Variants in STX6 observed in about 807,000 individuals in gnomAD.
STX6 encodes the protein syntaxin-6.
STX6 carries 23 observed loss-of-function variants against 38.0 expected under a neutral mutation model. The ratio of observed to expected loss-of-function variants is 0.60; its 90% CI spans 0.43 to 0.86. The LOEUF (loss-of-function observed/expected upper bound fraction) is 0.86, where lower values mean the gene tolerates loss of function less well. Among genes scored for constraint, STX6 ranks in the 40% least tolerant of loss-of-function variants. The pLI is 0.00. For synonymous variants in STX6, 123 were observed against 107.5 expected (o/e 1.14, Z -0.89); for missense variants, 274 against 312.9 (o/e 0.88, Z 0.94).
intron 7 of STX6, 62 bp from the exon 8 acceptor site, chr1:180,976,708 A>C: frequency 1.3e-6 from 2 of 1,515,386 alleles, no homozygotes; most frequent in Non-Finnish European, 9.1e-7. Context: ...AGATACAGTT[A>C]TATGGAATTT....
intron 3 of STX6, among the ~76,000 whole-genome samples, chr1:180,994,353 C>G (rs977069476): frequency 1.3e-5 from 2 of 152,176 alleles, no homozygotes; most frequent in African/African-American, 4.8e-5. Flanking sequence ...GAGTGAGAAC[C>G]ACCTGATTCA....
At chr1:180,996,918 A>G (rs920999927) in intron 3 of STX6, among the ~76,000 whole-genome samples, 5 of 152,172 alleles carry the variant, frequency 3.3e-5, no homozygotes, top group Non-Finnish European at 7.4e-5. Context: ...TTACGAAACA[A>G]TTATGTAAGT....
chr1:180,978,374 T>C (rs541316370), intron 7 of STX6, among the ~76,000 whole-genome samples: 1 of 152,120 alleles, frequency 6.6e-6, no homozygotes, highest in African/African-American at 2.4e-5. Context: ...TAGGAACCAG[T>C]GTTCTGGTAG....
At chr1:180,986,084 C>A (rs1235294667) in intron 6 of STX6, among the ~76,000 whole-genome samples, 1 of 152,228 alleles carries the variant, frequency 6.6e-6, no homozygotes, top group Non-Finnish European at 1.5e-5. Context: ...GCAAGAGCTA[C>A]CTTTCTGCGC....
chr1:181,022,028 A>G (rs577360944), intron 1 of STX6, among the ~76,000 whole-genome samples: 1 of 152,182 alleles, frequency 6.6e-6, no homozygotes, highest in East Asian at 1.9e-4. Flanking sequence ...CTCTCCTCAC[A>G]TTACTCAGTA....
In STX6 at chr1:180,990,528, C is replaced by G. The variant is rs77578364; in HGVS notation, c.364-419G>C. ...AGTACTTTTTTAAAAAAAGTGTGAC[C>G]CAGGGGAAGTTGTGGGTTTTTTTGG... On this transcript the variant is annotated intron_variant, in intron 4 of 7. Transcript: ENST00000258301. Among the ~76,000 whole-genome samples the G allele has an allele frequency of 9.9e-3, 1,443 of 145,988 alleles. 25 individuals are homozygous for G. The highest frequency in any genetic ancestry group is 0.034 in the African/African-American group (1,367 of 39,842).
chr1:181,014,434 G>T (rs1235168769), intron 1 of STX6, among the ~76,000 whole-genome samples: 1 of 151,666 alleles, frequency 6.6e-6, no homozygotes, highest in Non-Finnish European at 1.5e-5. Flanking sequence ...AGCAACACAG[G>T]ACAGAACATT....
intron 7 of STX6, among the ~76,000 whole-genome samples, chr1:180,978,996 GA>G (rs1339324620): frequency 6.6e-6 from 1 of 152,192 alleles, no homozygotes; most frequent in Non-Finnish European, 1.5e-5. Flanking sequence ...AGGAATGTTG[GA>G]ATTATCAGAA....
At chr1:180,981,130 G>C (rs1243116135) in intron 7 of STX6, among the ~76,000 whole-genome samples, 1 of 152,176 alleles carries the variant, frequency 6.6e-6, no homozygotes, top group Non-Finnish European at 1.5e-5. Flanking sequence ...TTCAAACCCA[G>C]AGAATGTACA....
At chr1:181,016,924 T>C (rs1375930250) in intron 1 of STX6, among the ~76,000 whole-genome samples, 2 of 150,558 alleles carry the variant, frequency 1.3e-5, no homozygotes, top group East Asian at 3.9e-4. Flanking sequence ...CTGTCTCTAC[T>C]AAAAATACAA....
chr1:180,993,259 C>A (rs1655803899), intron 4 of STX6, 104 bp downstream of exon 4: 1 of 726,692 alleles, frequency 1.4e-6, no homozygotes, highest in Non-Finnish European at 2.4e-6. Flanking sequence ...AAGCAGAAGT[C>A]TTCCTCTTGA....
intron 1 of STX6, among the ~76,000 whole-genome samples, chr1:181,020,210 G>A (rs1244342203): frequency 6.7e-6 from 1 of 149,808 alleles, no homozygotes; most frequent in Non-Finnish European, 1.5e-5. Flanking sequence ...ACAAGACTCT[G>A]TCTCAAAAAA....
At chr1:181,005,900 CTGGAGGGAAG>C (rs991650773) in intron 1 of STX6, among the ~76,000 whole-genome samples, 15 of 152,024 alleles carry the variant, frequency 9.9e-5, no homozygotes, top group African/African-American at 3.4e-4. Flanking sequence ...AATGAGAATG[CTGGAGGGAAG>C]GTTACTCTTA....
intron 1 of STX6, among the ~76,000 whole-genome samples, chr1:181,016,938 C>T (rs1055931571): frequency 6.6e-5 from 10 of 150,880 alleles, no homozygotes; most frequent in African/African-American, 2.2e-4. Flanking sequence ...AATACAAAAA[C>T]TATCCGGGCG....
intron 7 of STX6, among the ~76,000 whole-genome samples, chr1:180,983,914 A>G (rs575182547): frequency 6.6e-5 from 10 of 151,782 alleles, no homozygotes; most frequent in Non-Finnish European, 1.5e-4. Flanking sequence ...AATACAAAAA[A>G]TTAGCTGGGC....
chr1:181,013,480 A>G (rs1326818684), intron 1 of STX6, among the ~76,000 whole-genome samples: 4 of 152,248 alleles, frequency 2.6e-5, no homozygotes, highest in South Asian at 4.1e-4. Context: ...TACCACGCCA[A>G]GCTAATTTTT....
chr1:180,984,344 G>T (rs979992103), intron 7 of STX6, among the ~76,000 whole-genome samples: 1 of 152,038 alleles, frequency 6.6e-6, no homozygotes, highest in Non-Finnish European at 1.5e-5. Flanking sequence ...TCAGGAGTTC[G>T]AGACTAGCCT....
At chr1:181,014,533 A>T (rs1300781247) in intron 1 of STX6, among the ~76,000 whole-genome samples, 1 of 152,344 alleles carries the variant, frequency 6.6e-6, no homozygotes, top group African/African-American at 2.4e-5. Flanking sequence ...TTACAGAGGG[A>T]TCCCCATTTC....
chr1:180,996,173 T>C (rs1400185250), intron 3 of STX6, among the ~76,000 whole-genome samples: 1 of 152,180 alleles, frequency 6.6e-6, no homozygotes, highest in African/African-American at 2.4e-5. Flanking sequence ...CAGGAATTTA[T>C]TTTAAGGAGA....
Sources: allele counts gnomAD v4.1 joint callset (sites outside exome capture counted in the v4.1 genomes callset), GRCh38; gene constraint gnomAD v4.1.1; transcripts MANE v1.5; gene names NCBI Gene and HGNC (gene_info 2026-07-23, HGNC 2026-07-21).